The following NCAM2 variants were observed in gnomAD, a reference collection of about 807,000 sequenced individuals.
NCAM2 encodes the protein N-CAM-2.
Under a neutral mutation model 98.1 loss-of-function variants are expected in NCAM2, and 30 were observed. That is an observed-to-expected ratio of 0.31 (90% CI 0.23 to 0.41). The LOEUF (loss-of-function observed/expected upper bound fraction) is 0.41. NCAM2 is among the 10% of genes least tolerant of loss of function. The pLI, the probability that NCAM2 is intolerant of heterozygous loss-of-function variation, is 1.00. For missense variants in NCAM2, 867 were observed against 1,005.8 expected, an observed-to-expected ratio of 0.86 and a Z score of 1.87; for synonymous variants, 368 against 342.4, an observed-to-expected ratio of 1.07 and a Z score of -0.83.
chr21:21,188,639 C>T (rs1465203428), intron 1 of NCAM2, among the ~76,000 whole-genome samples: 1 of 151,984 alleles, frequency 6.6e-6, no homozygotes, highest in Non-Finnish European at 1.5e-5. Flanking sequence ...CATAGGGGCC[C>T]TTGGATTTTT....
chr21:21,132,399 T>TTA, intron 1 of NCAM2, among the ~76,000 whole-genome samples: 1 of 151,824 alleles, frequency 6.6e-6, no homozygotes, highest in Admixed American at 6.6e-5. Flanking sequence ...AAAGTCTTTT[T>TTA]TTTTTCATAT....
chr21:21,348,604 T>G (rs1027110385), intron 8 of NCAM2, among the ~76,000 whole-genome samples: 2 of 117,864 alleles, frequency 1.7e-5, no homozygotes. Flanking sequence ...CTTTCTAAAA[T>G]TTATATGGAA....
intron 15 of NCAM2, among the ~76,000 whole-genome samples, chr21:21,504,353 G>T (rs527831132): frequency 6.6e-6 from 1 of 151,762 alleles, no homozygotes; most frequent in Non-Finnish European, 1.5e-5. Flanking sequence ...ACCATAAGTC[G>T]TAAGTGTAAG....
chr21:21,084,039 G>C (rs189100179), intron 1 of NCAM2, among the ~76,000 whole-genome samples: 1 of 152,280 alleles, frequency 6.6e-6, no homozygotes, highest in East Asian at 1.9e-4. Context: ...AGTTCTGGAG[G>C]CTGGGAAGAC....
chr21:21,525,924 C>CA (rs1458256774), intron 16 of NCAM2, among the ~76,000 whole-genome samples: 2 of 151,990 alleles, frequency 1.3e-5, no homozygotes, highest in Admixed American at 6.5e-5. Flanking sequence ...TTAATATATA[C>CA]ATAAATTATT....
At chr21:21,016,183 T>C (rs1190731761) in intron 1 of NCAM2, among the ~76,000 whole-genome samples, 1 of 152,182 alleles carries the variant, frequency 6.6e-6, no homozygotes, top group Admixed American at 6.5e-5. Context: ...AACTCCCTTT[T>C]GCTGATGGGA....
intron 8 of NCAM2, among the ~76,000 whole-genome samples, chr21:21,368,625 T>G (rs541158517): frequency 6.6e-6 from 1 of 151,876 alleles, no homozygotes; most frequent in African/African-American, 2.4e-5. Context: ...CTTGTGTTCT[T>G]ATATGGTGCA....
At chr21:21,021,300 C>T (rs2064430434) in intron 1 of NCAM2, among the ~76,000 whole-genome samples, 1 of 152,144 alleles carries the variant, frequency 6.6e-6, no homozygotes, top group African/African-American at 2.4e-5. Context: ...AAAACCCCAG[C>T]ATTCAAGGCC....
In NCAM2 at chr21:21,183,674, A is replaced by G. The variant is rs369391221; in HGVS notation, c.56-96904A>G. The stretch of plus-strand genomic sequence containing the variant: ...CAAAATCTTAAAATTTCAATGTATG[A>G]AATCCCAAGAGATCTCTTTGAGAAA... On this transcript the variant is annotated intron_variant, in intron 1 of 17. Coordinates refer to ENST00000400546, the MANE Select transcript of NCAM2 (RefSeq NM_004540.5). Among the ~76,000 whole-genome samples, 34 of 152,260 alleles carry G rather than the reference A, an allele frequency of 2.2e-4. No homozygotes were observed. In the East Asian group the frequency reaches 4.1e-3, roughly 18 times the overall value.
At chr21:21,423,325 C>T (rs910751223) in intron 11 of NCAM2, among the ~76,000 whole-genome samples, 2 of 152,120 alleles carry the variant, frequency 1.3e-5, no homozygotes, top group Non-Finnish European at 2.9e-5. Context: ...AGTATTGTGA[C>T]AACTAAGTGA....
In NCAM2 at chr21:21,120,780, G is replaced by A. The variant is rs147260704; in HGVS notation, c.55+122162G>A. On this transcript the variant is annotated intron_variant, in intron 1 of 17. Coordinates refer to ENST00000400546, the MANE Select transcript of NCAM2 (RefSeq NM_004540.5). ...TGTCACCAGGCTGGAGTGCAGTGGC[G>A]CAATCTCGGCTCACTGCAACCTCTG... Among the ~76,000 whole-genome samples, 7 of 150,112 alleles carry A rather than the reference G, an allele frequency of 4.7e-5. 1 individual carries two copies. The East Asian group carries it at 7.9e-4, about 17-fold the overall frequency.
rs117589228 is a variant in NCAM2 at position 21,040,302 on chromosome 21, A to G, written c.55+41684A>G. ...TAACTCACTTTCTTACCATTACGCA[A>G]CTGACTCCTCACTGCCAGTTTGAGT... On this transcript the variant is annotated intron_variant, in intron 1 of 17. Transcript: ENST00000400546. Among the ~76,000 whole-genome samples the G allele has an allele frequency of 6.4e-3, 967 of 152,140 alleles. 5 individuals are homozygous for G. The highest frequency in any genetic ancestry group is 9.9e-3 in the Non-Finnish European group (671 of 67,986).
intron 1 of NCAM2, among the ~76,000 whole-genome samples, chr21:21,139,485 C>G (rs1054891115): frequency 1.3e-5 from 2 of 152,136 alleles, no homozygotes; most frequent in Non-Finnish European, 2.9e-5. Context: ...CACAAACAAC[C>G]TTGATGCATT....
intron 1 of NCAM2, among the ~76,000 whole-genome samples, chr21:21,235,389 AATTT>A (rs577915966): frequency 6.6e-6 from 1 of 152,148 alleles, no homozygotes; most frequent in South Asian, 2.1e-4. Flanking sequence ...AATAATATCA[AATTT>A]ATTTGTTATG....
intron 9 of NCAM2, among the ~76,000 whole-genome samples, chr21:21,378,170 A>G (rs940846745): frequency 1.7e-4 from 19 of 111,342 alleles, no homozygotes; most frequent in Non-Finnish European, 3.5e-4. Flanking sequence ...TCTACCAGGT[A>G]CAGACTTTTT....
At chr21:21,433,511 A>T (rs967489745) in intron 12 of NCAM2, among the ~76,000 whole-genome samples, 1 of 151,812 alleles carries the variant, frequency 6.6e-6, no homozygotes, top group African/African-American at 2.4e-5. Flanking sequence ...AGGCTGAGGC[A>T]GGTGGATCAT....
chr21:21,406,423 C>T (rs570317311), intron 9 of NCAM2, among the ~76,000 whole-genome samples: 171 of 152,160 alleles, frequency 1.1e-3, no homozygotes, highest in African/African-American at 4.0e-3. Context: ...ATCAAGGGTG[C>T]GGGAACTCTT....
chr21:21,276,849 A>G (rs1049721626), intron 1 of NCAM2, among the ~76,000 whole-genome samples: 2 of 152,078 alleles, frequency 1.3e-5, no homozygotes, highest in Non-Finnish European at 2.9e-5. Context: ...CAAAATGTCC[A>G]TGAATAATAT....
intron 1 of NCAM2, among the ~76,000 whole-genome samples, chr21:21,233,263 A>G (rs2070698827): frequency 6.6e-6 from 1 of 151,714 alleles, no homozygotes. Flanking sequence ...CCTTGGAAAC[A>G]TCCTACTGCT....
Sources: gnomAD v4.1 joint callset for allele counts (sites outside exome capture counted in the v4.1 genomes callset) on GRCh38, gnomAD v4.1.1 for gene constraint, MANE v1.5 for transcripts, NCBI Gene and HGNC (gene_info 2026-07-23, HGNC 2026-07-21) for gene names.